Variants in EEFSEC observed in about 807,000 individuals in gnomAD.
EEFSEC encodes the protein selenocysteine-specific elongation factor.
EEFSEC carries 43 observed loss-of-function variants against 42.1 expected under a neutral mutation model. The ratio of observed to expected loss-of-function variants is 1.02; its 90% CI spans 0.80 to 1.32. The LOEUF is 1.32. EEFSEC is among the 40% of genes most tolerant of loss of function. The pLI, the probability that EEFSEC is intolerant of heterozygous loss-of-function variation, is 0.00. For synonymous variants in EEFSEC, 354 were observed against 339.1 expected, an observed-to-expected ratio of 1.04 and a Z score of -0.48; for missense variants, 745 against 803.6, an observed-to-expected ratio of 0.93 and a Z score of 0.88.
chr3:128,367,574 C>T, intron 6 of EEFSEC: 1 of 941,986 alleles, frequency 1.1e-6, no homozygotes, highest in Non-Finnish European at 1.3e-6. Context: ...GAGCCACATC[C>T]TGTTTCCACA....
the EEFSEC span, among the ~76,000 whole-genome samples, chr3:128,418,969 G>A: frequency 3.3e-5 from 5 of 152,182 alleles, no homozygotes; most frequent in Admixed American, 6.5e-5. Flanking sequence ...ATCCCAGTCA[G>A]TAATGCTCTT....
At chr3:128,411,525 G>C (rs995550172), downstream of EEFSEC, among the ~76,000 whole-genome samples, 1 of 152,216 alleles carries the variant, frequency 6.6e-6, no homozygotes, top group Non-Finnish European at 1.5e-5. Context: ...TGCCCTCTGG[G>C]GTCCTCTGTG....
intron 1 of EEFSEC, among the ~76,000 whole-genome samples, chr3:128,234,802 C>T (rs1412233501): frequency 1.3e-5 from 2 of 152,178 alleles, no homozygotes; most frequent in Non-Finnish European, 2.9e-5. Context: ...TAAGGGACGT[C>T]GATCCCAGTG....
At position 128,358,102 on chromosome 3, in the gene EEFSEC, G is replaced by A. The variant is rs549842293; in HGVS notation, c.1444-115G>A. ...AGGCTACCCACAGGGTTCCTAGAGCGGGCAGCAGCCAGCCATGCCTAGGGC... is the reference window on the plus strand; with the variant it reads ...AGGCTACCCACAGGGTTCCTAGAGCAGGCAGCAGCCAGCCATGCCTAGGGC... On this transcript the variant is annotated intron_variant, in intron 5 of 6. Coordinates refer to ENST00000254730, the MANE Select transcript of EEFSEC (RefSeq NM_021937.5). 2,455 of 1,381,106 alleles carry A rather than the reference G, an allele frequency of 1.8e-3. 2 individuals are homozygous for A. The highest frequency in any genetic ancestry group is 3.0e-3 in the Middle Eastern group (16 of 5,364). The allele number at this position is 1,381,106 out of a possible 1,614,324, so 85.6% of individuals were successfully genotyped here.
At chr3:128,160,792 G>GCA (rs559551304) in intron 1 of EEFSEC, among the ~76,000 whole-genome samples, 2 of 151,848 alleles carry the variant, frequency 1.3e-5, no homozygotes, top group African/African-American at 4.8e-5. Context: ...CACTGTGTGC[G>GCA]CACACACACG....
intron 1 of EEFSEC, among the ~76,000 whole-genome samples, chr3:128,165,946 G>A (rs2065238930): frequency 6.6e-6 from 1 of 152,166 alleles, no homozygotes; most frequent in African/African-American, 2.4e-5. Context: ...GGAAAAAATG[G>A]CCCTGTTTGT....
Position 128,217,675 on chromosome 3 carries a change from A to G in EEFSEC, c.317-29161A>G, listed in dbSNP as rs2065823462. ...AGGAATACACGAGCACCTGGGGCAT[A>G]GCACCAGCCCCCCCTGGTCCCCCAC... On this transcript the variant is annotated intron_variant, in intron 1 of 6. Coordinates refer to ENST00000254730, the MANE Select transcript of EEFSEC (RefSeq NM_021937.5). Among the ~76,000 whole-genome samples, 2 of 152,158 alleles carry G rather than the reference A, an allele frequency of 1.3e-5. 1 individual carries two copies. The highest frequency in any genetic ancestry group is 4.1e-4 in the South Asian group (2 of 4,822).
chr3:128,285,661 A>G (rs950489982), intron 4 of EEFSEC, among the ~76,000 whole-genome samples: 1 of 152,070 alleles, frequency 6.6e-6, no homozygotes, highest in African/African-American at 2.4e-5. Context: ...AAATTTAGCC[A>G]TGGTTTCCTC....
intron 4 of EEFSEC, among the ~76,000 whole-genome samples, chr3:128,302,779 T>C (rs1422894556): frequency 2.6e-5 from 4 of 152,200 alleles, no homozygotes; most frequent in Non-Finnish European, 2.9e-5. Flanking sequence ...TTTATGCATA[T>C]ACTCACGTAT....
chr3:128,266,331 A>G (rs2066353303), intron 4 of EEFSEC, among the ~76,000 whole-genome samples: 2 of 152,046 alleles, frequency 1.3e-5, no homozygotes, highest in African/African-American at 2.4e-5. Context: ...GAGTGAGGGA[A>G]GTGGAGAGGG....
intron 1 of EEFSEC, among the ~76,000 whole-genome samples, chr3:128,206,974 C>T (rs1408540418): frequency 6.6e-6 from 1 of 152,154 alleles, no homozygotes; most frequent in Non-Finnish European, 1.5e-5. Context: ...CCAGACTGGC[C>T]CGTGCAGCAC....
intron 4 of EEFSEC, among the ~76,000 whole-genome samples, chr3:128,332,503 G>A (rs894920789): frequency 1.3e-5 from 2 of 152,226 alleles, no homozygotes; most frequent in Non-Finnish European, 2.9e-5. Context: ...CCAGGCGGGA[G>A]TGCAATGGCG....
the EEFSEC span, among the ~76,000 whole-genome samples, chr3:128,418,886 T>C: frequency 6.6e-6 from 1 of 152,200 alleles, no homozygotes; most frequent in African/African-American, 2.4e-5. Context: ...CCTCTGCCTC[T>C]GCCCCTGCTC....
At chr3:128,253,202 A>G (rs147000568) in intron 2 of EEFSEC, among the ~76,000 whole-genome samples, 4 of 152,376 alleles carry the variant, frequency 2.6e-5, no homozygotes, top group Non-Finnish European at 4.4e-5. Context: ...AAAGCTTTAT[A>G]GGTAATCTCT....
At chr3:128,254,370 G>A (rs1308480717) in intron 2 of EEFSEC, among the ~76,000 whole-genome samples, 1 of 152,220 alleles carries the variant, frequency 6.6e-6, no homozygotes, top group African/African-American at 2.4e-5. Context: ...ACGACTGGTG[G>A]TTGCAGCAGT....
intron 6 of EEFSEC, among the ~76,000 whole-genome samples, chr3:128,400,506 C>T (rs1361314402): frequency 6.6e-6 from 1 of 152,220 alleles, no homozygotes; most frequent in Admixed American, 6.5e-5. Flanking sequence ...CAAAGAGATC[C>T]CCTGCCCCTG....
At chr3:128,205,141 CCCTT>C (rs909782277) in intron 1 of EEFSEC, among the ~76,000 whole-genome samples, 1 of 152,156 alleles carries the variant, frequency 6.6e-6, no homozygotes, top group African/African-American at 2.4e-5. Flanking sequence ...AGGATAGGCA[CCCTT>C]CCTTCATTCA....
At chr3:128,396,310 C>G (rs1029131362) in intron 6 of EEFSEC, among the ~76,000 whole-genome samples, 1 of 152,310 alleles carries the variant, frequency 6.6e-6, no homozygotes, top group African/African-American at 2.4e-5. Flanking sequence ...CTGGGCTTCT[C>G]CAGCTACTGG....
chr3:128,362,827 G>A (rs937088770), intron 6 of EEFSEC, among the ~76,000 whole-genome samples: 3 of 152,156 alleles, frequency 2.0e-5, no homozygotes, highest in African/African-American at 4.8e-5. Flanking sequence ...CTCACGTGCC[G>A]GGAGCTCAAA....
Sources: gnomAD v4.1 joint callset for allele counts (sites outside exome capture counted in the v4.1 genomes callset) on GRCh38, gnomAD v4.1.1 for gene constraint, MANE v1.5 for transcripts, NCBI Gene and HGNC (gene_info 2026-07-23, HGNC 2026-07-21) for gene names.